DLG2: variants seen among roughly 807,000 people sequenced by gnomAD.
The protein encoded by DLG2 is discs large MAGUK scaffold protein 2.
In DLG2, 45 loss-of-function variants were observed where a neutral mutation model predicts 132.5. That is an observed-to-expected ratio of 0.34 (90% CI 0.27 to 0.44). The LOEUF (loss-of-function observed/expected upper bound fraction) is 0.44. Among genes scored for constraint, DLG2 ranks in the 20% least tolerant of loss-of-function variants. DLG2 has a pLI of 1.00. For synonymous variants in DLG2, 424 were observed against 419.6 expected (o/e 1.01, Z -0.13); for missense variants, 1,045 against 1,196.9 (o/e 0.87, Z 1.87).
At chr11:83,585,317 C>A (rs1193591117) in intron 19 of DLG2, among the ~76,000 whole-genome samples, 1 of 152,102 alleles carries the variant, frequency 6.6e-6, no homozygotes, top group Non-Finnish European at 1.5e-5. Flanking sequence ...AACCAGTAAC[C>A]AAGGCCAGGG....
chr11:84,439,111 C>T (rs1180547934), intron 7 of DLG2, among the ~76,000 whole-genome samples: 1 of 152,198 alleles, frequency 6.6e-6, no homozygotes, highest in East Asian at 1.9e-4. Context: ...ACTAAGGTAA[C>T]TCCTGTGCCT....
chr11:85,146,612 A>C (rs1035709701), intron 5 of DLG2, among the ~76,000 whole-genome samples: 2 of 152,064 alleles, frequency 1.3e-5, no homozygotes, highest in African/African-American at 4.8e-5. Flanking sequence ...CCAGGTTGCA[A>C]GATGAAGTCC....
At chr11:85,553,778 T>G (rs780980486) in intron 3 of DLG2, among the ~76,000 whole-genome samples, 21 of 151,274 alleles carry the variant, frequency 1.4e-4, no homozygotes, top group Non-Finnish European at 2.8e-4. Context: ...ATCAACAAAA[T>G]TGGAGAACAA....
intron 3 of DLG2, among the ~76,000 whole-genome samples, chr11:85,318,424 C>A (rs542118176): frequency 6.6e-5 from 10 of 151,626 alleles, no homozygotes; most frequent in African/African-American, 2.4e-4. Flanking sequence ...AAATAGTTGA[C>A]AACATTAATG....
At chr11:84,683,600 T>G (rs1364391767) in intron 6 of DLG2, among the ~76,000 whole-genome samples, 1 of 152,056 alleles carries the variant, frequency 6.6e-6, no homozygotes, top group Non-Finnish European at 1.5e-5. Flanking sequence ...TTCATCAGCC[T>G]CCAAATGACA....
chr11:84,755,724 A>G (rs765528122), intron 6 of DLG2, among the ~76,000 whole-genome samples: 15 of 152,316 alleles, frequency 9.8e-5, no homozygotes, highest in African/African-American at 3.1e-4. Context: ...CGCCTGGCCC[A>G]GTGTGTCTTT....
At chr11:85,014,304 A>G (rs2059389655) in intron 6 of DLG2, among the ~76,000 whole-genome samples, 1 of 152,218 alleles carries the variant, frequency 6.6e-6, no homozygotes, top group African/African-American at 2.4e-5. Flanking sequence ...CAAAGTTCTT[A>G]TCACAGGACA....
At chr11:83,519,475 T>G (rs1592343186) in intron 21 of DLG2, among the ~76,000 whole-genome samples, 1 of 152,340 alleles carries the variant, frequency 6.6e-6, no homozygotes, top group East Asian at 1.9e-4. Context: ...TTTTATGTAT[T>G]TAGGTAACAT....
At chr11:85,129,205 G>A (rs375152114) in intron 5 of DLG2, among the ~76,000 whole-genome samples, 13 of 152,194 alleles carry the variant, frequency 8.5e-5, no homozygotes, top group Admixed American at 5.9e-4. Flanking sequence ...TCTTCTGAAA[G>A]TGGGTTGCCT....
chr11:84,755,266 A>C (rs2066705697), intron 6 of DLG2, among the ~76,000 whole-genome samples: 1 of 152,186 alleles, frequency 6.6e-6, no homozygotes, highest in African/African-American at 2.4e-5. Flanking sequence ...GGTACCAATA[A>C]ATTTTTGTAG....
At chr11:85,262,224 C>T (rs951297012) in intron 4 of DLG2, among the ~76,000 whole-genome samples, 8 of 152,138 alleles carry the variant, frequency 5.3e-5, no homozygotes, top group Admixed American at 2.0e-4. Context: ...GGCCATGTGG[C>T]AGGCCAGGTC....
intron 6 of DLG2, among the ~76,000 whole-genome samples, chr11:84,573,264 C>A (rs532555557): frequency 6.6e-6 from 1 of 152,104 alleles, no homozygotes; most frequent in African/African-American, 2.4e-5. Flanking sequence ...AAAATGTTAA[C>A]TATTTTTAGT....
intron 6 of DLG2, among the ~76,000 whole-genome samples, chr11:84,985,098 T>C (rs1019430378): frequency 1.3e-5 from 2 of 152,148 alleles, no homozygotes; most frequent in African/African-American, 2.4e-5. Context: ...GAAGAAACAA[T>C]GGACTTAAAC....
chr11:83,786,799 G>T lies in DLG2; in HGVS notation c.1723-7C>A. 1.2e-6 allele frequency: 2 copies of T among 1,613,352 alleles called. No homozygotes were observed. The highest frequency in any genetic ancestry group is 1.7e-6 in the Non-Finnish European group (2 of 1,179,360). ...GGAGGTCAATGCCATTCACCTGAAA[G>T]AGAGGAAGCCAGAGAATCTTGGTAT... On this transcript the variant is annotated splice_region_variant and splice_polypyrimidine_tract_variant and intron_variant, in intron 17 of 27. Transcript: ENST00000376104.
chr11:84,774,948 C>T (rs764122395), intron 6 of DLG2, among the ~76,000 whole-genome samples: 10 of 152,064 alleles, frequency 6.6e-5, no homozygotes, highest in Non-Finnish European at 1.3e-4. Flanking sequence ...TCCAATTAAA[C>T]TAAAGATCTT....
At chr11:83,690,170 GAGA>G (rs2080720772) in intron 18 of DLG2, among the ~76,000 whole-genome samples, 1 of 150,390 alleles carries the variant, frequency 6.6e-6, no homozygotes, top group Admixed American at 6.6e-5. Context: ...TTAATAAAAA[GAGA>G]AGGTCTTGGC....
At chr11:84,598,807 G>T (rs2099569363) in intron 6 of DLG2, among the ~76,000 whole-genome samples, 1 of 151,868 alleles carries the variant, frequency 6.6e-6, no homozygotes, top group Non-Finnish European at 1.5e-5. Context: ...CGGGCATGGT[G>T]TCACATACAT....
chr11:83,521,294 T>C (rs1405084030), intron 21 of DLG2, among the ~76,000 whole-genome samples: 1 of 152,212 alleles, frequency 6.6e-6, no homozygotes, highest in Non-Finnish European at 1.5e-5. Context: ...ACAAAGAATT[T>C]TAGTCCTGGG....
At chr11:84,523,644 C>T (rs1422210313) in intron 7 of DLG2, among the ~76,000 whole-genome samples, 1 of 152,210 alleles carries the variant, frequency 6.6e-6, no homozygotes, top group East Asian at 1.9e-4. Context: ...ACAATATCAT[C>T]TTTAACCACA....
Sources: allele counts gnomAD v4.1 joint callset (sites outside exome capture counted in the v4.1 genomes callset), GRCh38; gene constraint gnomAD v4.1.1; transcripts MANE v1.5; gene names NCBI Gene and HGNC (gene_info 2026-07-23, HGNC 2026-07-21).